The following FSCN1 variants were observed in gnomAD, a reference collection of about 807,000 sequenced individuals.
The protein encoded by FSCN1 is fascin.
In FSCN1, 10 loss-of-function variants were observed where a neutral mutation model predicts 39.7. That is an observed-to-expected ratio of 0.25 (90% confidence interval 0.16 to 0.43). The LOEUF is 0.43. Among genes scored for constraint, FSCN1 ranks in the 20% least tolerant of loss-of-function variants. FSCN1 has a pLI of 1.00. For synonymous variants in FSCN1, 322 were observed against 320.0 expected (o/e 1.01, Z -0.07); for missense variants, 525 against 723.8 (o/e 0.73, Z 3.15).
Position 5,603,149 on chromosome 7 carries a change from A to C in FSCN1, c.833-108A>C. 4 of 1,307,874 alleles carry C rather than the reference A, an allele frequency of 3.1e-6. No individual in the cohort carries two copies. The highest frequency in any genetic ancestry group is 3.8e-5 in the Admixed American group (2 of 53,072). 81.0% of individuals were successfully genotyped at this position (1,307,874 alleles called of 1,614,324 possible). A position where few individuals can be genotyped will look rare whatever the true frequency, so the allele number is the denominator to read the frequency against. ...CTGTGGGGACTCGGCCGCCCACCCC[A>C]CCCCGTGGTGTTACCTTGCGTGTGT... On this transcript the variant is annotated intron_variant, in intron 1 of 4. Coordinates refer to ENST00000382361, the MANE Select transcript of FSCN1 (RefSeq NM_003088.4). The surrounding 1 kb of genome is among the most constrained non-coding windows in gnomAD (Gnocchi z 8.5).
chr7:5,600,849 C>T (rs1341739685), intron 1 of FSCN1, among the ~76,000 whole-genome samples: 4 of 151,472 alleles, frequency 2.6e-5, no homozygotes, highest in African/African-American at 2.4e-5. Context: ...TTAATAGAGA[C>T]GGGTTTCACC....
chr7:5,598,075 A>G (rs1003769223), intron 1 of FSCN1, among the ~76,000 whole-genome samples: 11 of 152,186 alleles, frequency 7.2e-5, no homozygotes, highest in Non-Finnish European at 1.3e-4. Context: ...CCTTTCCCCT[A>G]TCCCTCCCTG....
chr7:5,596,404 C>T (rs1785731383), intron 1 of FSCN1, among the ~76,000 whole-genome samples: 2 of 152,254 alleles, frequency 1.3e-5, no homozygotes, highest in Non-Finnish European at 2.9e-5. Context: ...AGTGTGCATT[C>T]CAGGCCTCCT....
rs540196423 is a variant in FSCN1 at position 5,599,932 on chromosome 7, C to G, written c.833-3325C>G. ...TCCCTGCAGCATCAAGGTGCCCAAACGAAGACACTCTCCAGCTCTGAGCCA... is the reference window on the plus strand; with the variant it reads ...TCCCTGCAGCATCAAGGTGCCCAAAGGAAGACACTCTCCAGCTCTGAGCCA... On this transcript the variant is annotated intron_variant, in intron 1 of 4. Coordinates refer to ENST00000382361, the MANE Select transcript of FSCN1 (RefSeq NM_003088.4). This position sits in a 1 kb window ranked among gnomAD's most constrained non-coding sequence, Gnocchi z 5.6. Among the ~76,000 whole-genome samples the G allele has an allele frequency of 2.0e-5, 3 of 152,198 alleles. No individual in the cohort carries two copies. Among genetic ancestry groups the G allele is most frequent in the African/African-American group, 7.2e-5 (3 of 41,448 alleles).
intron 1 of FSCN1, among the ~76,000 whole-genome samples, chr7:5,597,477 A>G (rs1299795705): frequency 1.3e-5 from 2 of 152,052 alleles, no homozygotes; most frequent in Non-Finnish European, 2.9e-5. Flanking sequence ...GACCAGTCTG[A>G]CCAACATGGA....
chr7:5,596,876 G>A (rs890919783), intron 1 of FSCN1, among the ~76,000 whole-genome samples: 4 of 152,148 alleles, frequency 2.6e-5, no homozygotes, highest in Admixed American at 6.6e-5. Context: ...ACTGGAAACC[G>A]GGGTGGTAAG....
chr7:5,593,476 C>G lies in FSCN1; in HGVS notation c.540C>G (p.Ala180=), dbSNP rs770047473. ...PWGVDSLITL[A]FQDQRYSVQT... ...GCGTCGACTCGCTCATCACCCTCGC[C>G]TTCCAGGACCAGCGCTACAGCGTGC... The change falls in exon 1 of 5, where the codon GCC becomes GCG. Residue 180 remains alanine, a synonymous_variant. Transcript: ENST00000382361. The G allele has an allele frequency of 6.2e-7, 1 of 1,611,564 alleles. No individual in the cohort carries two copies. The highest frequency in any genetic ancestry group is 8.5e-7 in the Non-Finnish European group (1 of 1,179,702).
At position 5,605,414 on chromosome 7, in the gene FSCN1, C is replaced by G; in HGVS notation, c.1422C>G (p.His474Gln). ...KVGGRYLKGD[H>Q]AGVLKASAET... ...GCGGGCGCTACCTGAAGGGCGACCA[C>G]GCAGGCGTCCTGAAGGCCTCGGCGG... Residue 474 changes from histidine to glutamine, a missense_variant, in exon 5 of 5, where the codon CAC becomes CAG. His to Gln is a conservative substitution (Grantham distance 24, BLOSUM62 0). Coordinates refer to ENST00000382361, the MANE Select transcript of FSCN1 (RefSeq NM_003088.4). This position sits in a 1 kb window ranked among gnomAD's most constrained non-coding sequence, Gnocchi z 6.9. 1 of 1,612,328 alleles carries G rather than the reference C, an allele frequency of 6.2e-7. No individual in the cohort carries two copies. The highest frequency in any genetic ancestry group is 8.5e-7 in the Non-Finnish European group (1 of 1,179,330).
At chr7:5,593,828 G>A in intron 1 of FSCN1, 60 bp downstream of exon 1, 1 of 1,128,590 alleles carries the variant, frequency 8.9e-7, no homozygotes, top group African/African-American at 1.6e-5. Context: ...CCCCACCCGC[G>A]CCCCTCCAGC....
chr7:5,597,265 A>G (rs1785745934), intron 1 of FSCN1, among the ~76,000 whole-genome samples: 1 of 152,220 alleles, frequency 6.6e-6, no homozygotes, highest in Non-Finnish European at 1.5e-5. Flanking sequence ...GCTACTCAGG[A>G]GGCTTAGATG....
At chr7:5,601,025 A>G (rs139729441) in intron 1 of FSCN1, among the ~76,000 whole-genome samples, 20 of 115,962 alleles carry the variant, frequency 1.7e-4, no homozygotes, top group East Asian at 2.9e-4. Flanking sequence ...TCCTGACCTC[A>G]TGATCCGCCC....
chr7:5,604,272 G>C (rs1489499266), intron 4 of FSCN1, among the ~76,000 whole-genome samples: 1 of 151,854 alleles, frequency 6.6e-6, no homozygotes. Context: ...GTGTGTGGAG[G>C]GGAGAGCAGG....
chr7:5,603,426 C>T lies in FSCN1; in HGVS notation c.989+13C>T, dbSNP rs774051314. On this transcript the variant is annotated intron_variant, in intron 2 of 4. Coordinates refer to ENST00000382361, the MANE Select transcript of FSCN1 (RefSeq NM_003088.4). The surrounding 1 kb of genome is among the most constrained non-coding windows in gnomAD (Gnocchi z 8.5). ...CCGCCTCCAGCAAGTGAGTGCCTCG[C>T]TCCCACCTGTCACCGCCCCCACCAC... is the stretch of plus-strand genomic sequence containing the variant. 3 of 1,613,654 alleles carry T rather than the reference C, an allele frequency of 1.9e-6. No individual in the cohort carries two copies. The highest frequency in any genetic ancestry group is 2.7e-5 in the African/African-American group (2 of 74,948).
chr7:5,604,613 T>C (rs915995552), intron 4 of FSCN1, among the ~76,000 whole-genome samples: 24 of 151,868 alleles, frequency 1.6e-4, no homozygotes, highest in African/African-American at 5.8e-4. Flanking sequence ...GGATTACAGG[T>C]GTGCACCACC....
chr7:5,599,213 G>T lies in FSCN1; in HGVS notation c.833-4044G>T, dbSNP rs1441227058. ...AGCCCACCCAGTGCGGTGGATGCTC[G>T]TCGGAGGGCAGAGGGTGGGCTACCG... On this transcript the variant is annotated intron_variant, in intron 1 of 4. Transcript: ENST00000382361. This position sits in a 1 kb window ranked among gnomAD's most constrained non-coding sequence, Gnocchi z 5.6. Among the ~76,000 whole-genome samples, 1 of 152,126 alleles carries T rather than the reference G, an allele frequency of 6.6e-6. No homozygotes were observed. The highest frequency in any genetic ancestry group is 2.4e-5 in the African/African-American group (1 of 41,434).
intron 1 of FSCN1, among the ~76,000 whole-genome samples, chr7:5,597,747 T>TA (rs566357479): frequency 0.042 from 5,615 of 133,928 alleles, 132 homozygotes; most frequent in African/African-American, 0.068. Context: ...AGAAAAAAGT[T>TA]AAAAAAAAAA....
intron 4 of FSCN1, 95 bp downstream of exon 4, chr7:5,604,125 C>A: frequency 8.2e-7 from 1 of 1,219,844 alleles, no homozygotes; most frequent in Non-Finnish European, 1.2e-6. Flanking sequence ...CACACTGGAC[C>A]CTGGCTTGGC....
chr7:5,600,424 A>G (rs554692645), intron 1 of FSCN1, among the ~76,000 whole-genome samples: 1 of 152,214 alleles, frequency 6.6e-6, no homozygotes, highest in African/African-American at 2.4e-5. Context: ...TCAAAAAAAG[A>G]ATAGCAGCTT....
intron 1 of FSCN1, among the ~76,000 whole-genome samples, chr7:5,602,458 C>G (rs528864211): frequency 6.6e-6 from 1 of 152,036 alleles, no homozygotes; most frequent in Non-Finnish European, 1.5e-5. Flanking sequence ...TGCGCTGTTC[C>G]GCTGTGCTGC....
Sources: allele counts gnomAD v4.1 joint callset (sites outside exome capture counted in the v4.1 genomes callset), GRCh38; gene constraint gnomAD v4.1.1; non-coding constraint Gnocchi (gnomAD v3.1); transcripts MANE v1.5; gene names NCBI Gene and HGNC (gene_info 2026-07-23, HGNC 2026-07-21).